The following FRMD4A variants were observed in gnomAD, a reference collection of about 807,000 sequenced individuals.
FRMD4A encodes FERM domain containing 4A, also known as FERM domain-containing protein 4A.
Under a neutral mutation model 129.1 loss-of-function variants are expected in FRMD4A, and 29 were observed. The ratio of observed to expected loss-of-function variants is 0.22; its 90% CI spans 0.17 to 0.31. The LOEUF is 0.31. Ranked by LOEUF, FRMD4A falls within the 10% of genes least tolerant of loss-of-function variation. The pLI is 1.00. For missense variants in FRMD4A, 1,272 were observed against 1,375.8 expected (o/e 0.92, Z 1.19); for synonymous variants, 634 against 571.6 (o/e 1.11, Z -1.56).
At chr10:14,109,270 G>A (rs996107741) in intron 2 of FRMD4A, among the ~76,000 whole-genome samples, 3 of 150,282 alleles carry the variant, frequency 2.0e-5, no homozygotes, top group Non-Finnish European at 3.0e-5. Flanking sequence ...GTGAGATATT[G>A]TACCCTGAAA....
intron 2 of FRMD4A, among the ~76,000 whole-genome samples, chr10:13,967,205 C>T (rs1404771942): frequency 1.3e-5 from 2 of 152,148 alleles, no homozygotes; most frequent in Admixed American, 6.5e-5. Flanking sequence ...GGCTTGGTGG[C>T]GGGCGCCTGT....
intron 5 of FRMD4A, among the ~76,000 whole-genome samples, chr10:13,793,186 T>C (rs1001835806): frequency 6.6e-6 from 1 of 151,880 alleles, no homozygotes; most frequent in African/African-American, 2.4e-5. Flanking sequence ...TTTTTTTTTT[T>C]TGTGAGATGG....
chr10:14,101,790 T>G (rs1288683996), intron 2 of FRMD4A, among the ~76,000 whole-genome samples: 1 of 150,468 alleles, frequency 6.6e-6, no homozygotes, highest in Non-Finnish European at 1.5e-5. Flanking sequence ...ACATCTCTCC[T>G]TCTGAATAAT....
Position 13,800,431 on chromosome 10 carries a change from T to C in FRMD4A, c.207-3843A>G, listed in dbSNP as rs190258606. 3.1e-3 allele frequency among the ~76,000 whole-genome samples: 473 copies of C among 152,314 alleles called. 3 individuals are homozygous for C. The highest frequency in any genetic ancestry group is 0.011 in the African/African-American group (442 of 41,570). Reference sequence around the variant, plus strand: ...CAGTCTGATGGGAATAACCTTTTCATTATTCTCACAAGACAAGGCTTTCAA... The same window carrying C: ...CAGTCTGATGGGAATAACCTTTTCACTATTCTCACAAGACAAGGCTTTCAA... On this transcript the variant is annotated intron_variant, in intron 4 of 24. Transcript: ENST00000357447.
chr10:13,669,664 G>A (rs1013577994), intron 17 of FRMD4A, among the ~76,000 whole-genome samples: 6 of 152,228 alleles, frequency 3.9e-5, no homozygotes, highest in African/African-American at 1.4e-4. Context: ...AGAAATCTGG[G>A]AAAGCATTTC....
Position 14,157,211 on chromosome 10 carries a change from G to A in FRMD4A, c.45+172847C>T, listed in dbSNP as rs36072797. Among the ~76,000 whole-genome samples, 220 of 152,270 alleles carry A rather than the reference G, an allele frequency of 1.4e-3. 2 individuals are homozygous for A. Among genetic ancestry groups the A allele is most frequent in the Admixed American group, 5.8e-3 (89 of 15,302 alleles). ...GAGGTCACAGGCTGGTTGCCCTAAG[G>A]CTGTGGGACCTGAACCTACACAGTC... On this transcript the variant is annotated intron_variant, in intron 2 of 24. Coordinates refer to ENST00000357447, the MANE Select transcript of FRMD4A (RefSeq NM_018027.5).
chr10:14,195,243 A>G (rs1416384101), intron 2 of FRMD4A, among the ~76,000 whole-genome samples: 1 of 152,164 alleles, frequency 6.6e-6, no homozygotes, highest in African/African-American at 2.4e-5. Context: ...ATGTTTAAGG[A>G]TATTACCTGT....
At chr10:14,038,118 C>T (rs574513800) in intron 2 of FRMD4A, among the ~76,000 whole-genome samples, 6 of 152,090 alleles carry the variant, frequency 3.9e-5, no homozygotes, top group Admixed American at 3.9e-4. Flanking sequence ...GTCAGGAGAT[C>T]GAGACCATCC....
intron 2 of FRMD4A, among the ~76,000 whole-genome samples, chr10:13,949,189 G>T (rs944545687): frequency 6.6e-6 from 1 of 150,478 alleles, no homozygotes; most frequent in Non-Finnish European, 1.5e-5. Flanking sequence ...TTTCAAGATC[G>T]ATAAACTCAG....
intron 2 of FRMD4A, among the ~76,000 whole-genome samples, chr10:14,123,355 G>T (rs1194082647): frequency 6.6e-6 from 1 of 152,202 alleles, no homozygotes; most frequent in Non-Finnish European, 1.5e-5. Flanking sequence ...CTTCATGCCA[G>T]CATCTTTGGG....
chr10:13,882,233 C>A (rs965578972), intron 2 of FRMD4A, among the ~76,000 whole-genome samples: 2 of 151,858 alleles, frequency 1.3e-5, no homozygotes, highest in African/African-American at 4.8e-5. Context: ...GGAAAGAGAG[C>A]CCCTAAACTA....
At chr10:14,051,471 C>T (rs562839085) in intron 2 of FRMD4A, among the ~76,000 whole-genome samples, 33 of 152,128 alleles carry the variant, frequency 2.2e-4, no homozygotes, top group Non-Finnish European at 3.4e-4. Flanking sequence ...CCGGGGTGAG[C>T]GCAAGGATAA....
intron 2 of FRMD4A, among the ~76,000 whole-genome samples, chr10:14,145,869 T>C (rs1840049552): frequency 6.6e-6 from 1 of 152,212 alleles, no homozygotes; most frequent in South Asian, 2.1e-4. Context: ...GATCCAGGGT[T>C]GCAACCATTT....
At chr10:13,780,114 G>T (rs2092698398) in intron 6 of FRMD4A, among the ~76,000 whole-genome samples, 1 of 152,130 alleles carries the variant, frequency 6.6e-6, no homozygotes, top group African/African-American at 2.4e-5. Context: ...TCAACTTGAG[G>T]TCAGGAGTTT....
chr10:14,274,785 G>A (rs543166607), intron 2 of FRMD4A, among the ~76,000 whole-genome samples: 15 of 152,256 alleles, frequency 9.9e-5, no homozygotes, highest in East Asian at 5.8e-4. Context: ...CCAATTCCAC[G>A]TCTTGGTAGC....
chr10:14,245,284 T>C (rs1257760889), intron 2 of FRMD4A, among the ~76,000 whole-genome samples: 2 of 152,150 alleles, frequency 1.3e-5, no homozygotes, highest in Admixed American at 1.3e-4. Flanking sequence ...TCCGGGTTCG[T>C]TGGTGAGGTA....
intron 23 of FRMD4A, chr10:13,654,147 A>T: frequency 1.8e-6 from 1 of 540,968 alleles, no homozygotes. Context: ...AAAGAAGCAC[A>T]GTCCCACTTC....
chr10:13,782,448 C>T (rs1194743940), intron 6 of FRMD4A, among the ~76,000 whole-genome samples: 1 of 136,064 alleles, frequency 7.3e-6, no homozygotes, highest in Non-Finnish European at 1.6e-5. Context: ...ATTATTATTC[C>T]TTTTTTTTTT....
intron 2 of FRMD4A, among the ~76,000 whole-genome samples, chr10:14,328,526 T>C (rs144707460): frequency 4.4e-4 from 67 of 151,920 alleles, no homozygotes; most frequent in African/African-American, 1.6e-3. Flanking sequence ...CGGGTCTAAC[T>C]CTCCCTAAAG....
Sources: gnomAD v4.1 joint callset for allele counts (sites outside exome capture counted in the v4.1 genomes callset) on GRCh38, gnomAD v4.1.1 for gene constraint, MANE v1.5 for transcripts, NCBI Gene and HGNC (gene_info 2026-07-23, HGNC 2026-07-21) for gene names.